Variants in RIT2 observed in about 807,000 individuals in gnomAD.
RIT2 encodes the protein GTP-binding protein Rit2.
In RIT2, 24 loss-of-function variants were observed where a neutral mutation model predicts 23.7. The ratio of observed to expected loss-of-function variants is 1.01; its 90% CI spans 0.73 to 1.43. The LOEUF (loss-of-function observed/expected upper bound fraction) is 1.43. Ranked by LOEUF, RIT2 falls within the 40% of genes most tolerant of loss-of-function variation. The pLI, the probability that RIT2 is intolerant of heterozygous loss-of-function variation, is 0.00. For synonymous variants in RIT2, 107 were observed against 91.1 expected, an observed-to-expected ratio of 1.17 and a Z score of -0.99; for missense variants, 236 against 266.9, an observed-to-expected ratio of 0.88 and a Z score of 0.81.
intron 1 of RIT2, among the ~76,000 whole-genome samples, chr18:43,088,350 T>A (rs965043265): frequency 1.3e-5 from 2 of 152,196 alleles, no homozygotes; most frequent in Non-Finnish European, 2.9e-5. Flanking sequence ...TCTAATACAT[T>A]GTATTTTATG....
At chr18:43,111,228 A>G (rs1285141601) in intron 1 of RIT2, among the ~76,000 whole-genome samples, 2 of 152,172 alleles carry the variant, frequency 1.3e-5, no homozygotes, top group Non-Finnish European at 2.9e-5. Context: ...GGTCTCATTC[A>G]TTTGTGGAAG....
At position 43,115,464 on chromosome 18, in the gene RIT2, C is replaced by T. The variant is rs1401934850; in HGVS notation, c.56G>A (p.Arg19Lys). Residue 19 changes from arginine to lysine, a missense_variant, in exon 1 of 5, where the codon AGA (arginine) becomes AAA (lysine). By Grantham distance (26) the Arg-to-Lys change is conservative. Coordinates refer to ENST00000326695, the MANE Select transcript of RIT2 (RefSeq NM_002930.4). ...CSPGSASGGS[R>K]EYKVVMLGAG... is the part of the protein sequence containing the mutation. ...TCCCAGCATTACCACCTTGTACTCT[C>T]TGGACCCGCCTGATGCGCTGCCCGG... 3 of 1,613,872 alleles carry T rather than the reference C, an allele frequency of 1.9e-6. No homozygotes were observed. Among genetic ancestry groups the T allele is most frequent in the Non-Finnish European group, 2.5e-6 (3 of 1,179,874 alleles).
chr18:42,900,688 T>C (rs1443280754), intron 4 of RIT2, among the ~76,000 whole-genome samples: 2 of 152,098 alleles, frequency 1.3e-5, no homozygotes, highest in South Asian at 2.1e-4. Context: ...TCAGTGTTGA[T>C]AGTACTTTCA....
chr18:42,985,019 C>A (rs1910678944), intron 2 of RIT2, among the ~76,000 whole-genome samples: 1 of 151,666 alleles, frequency 6.6e-6, no homozygotes, highest in African/African-American at 2.4e-5. Context: ...TTTGGGCAGG[C>A]ATGTAGAAAA....
intron 1 of RIT2, among the ~76,000 whole-genome samples, chr18:43,109,678 T>A (rs1441088895): frequency 6.6e-6 from 1 of 152,200 alleles, no homozygotes; most frequent in Non-Finnish European, 1.5e-5. Flanking sequence ...TATAAACTTA[T>A]TGTTTTGTAT....
At chr18:42,935,109 C>G (rs1174622357) in intron 3 of RIT2, among the ~76,000 whole-genome samples, 2 of 152,008 alleles carry the variant, frequency 1.3e-5, no homozygotes, top group East Asian at 1.9e-4. Context: ...ACAGCTGGGA[C>G]AAAGAAAAAA....
intron 3 of RIT2, among the ~76,000 whole-genome samples, chr18:42,959,604 G>C (rs1910051584): frequency 6.6e-6 from 1 of 152,158 alleles, no homozygotes; most frequent in Non-Finnish European, 1.5e-5. Flanking sequence ...GCCCAGGCTA[G>C]TATGTTACTA....
intron 1 of RIT2, among the ~76,000 whole-genome samples, chr18:43,060,926 T>C (rs1316535219): frequency 6.6e-6 from 1 of 152,102 alleles, no homozygotes; most frequent in African/African-American, 2.4e-5. Context: ...AGATACCCCG[T>C]ATTTTTTTGA....
intron 3 of RIT2, among the ~76,000 whole-genome samples, chr18:42,973,035 T>C (rs964193919): frequency 6.6e-6 from 1 of 151,842 alleles, no homozygotes; most frequent in African/African-American, 2.4e-5. Context: ...AATTTAATAA[T>C]ACTTTTGCAT....
chr18:42,883,427 A>C (rs1168908413), intron 4 of RIT2, among the ~76,000 whole-genome samples: 4 of 152,188 alleles, frequency 2.6e-5, no homozygotes, highest in African/African-American at 9.6e-5. Flanking sequence ...ATCATAATTC[A>C]TGTGTAAATC....
At chr18:42,861,017 G>A (rs1907313053) in intron 4 of RIT2, among the ~76,000 whole-genome samples, 1 of 152,186 alleles carries the variant, frequency 6.6e-6, no homozygotes, top group Non-Finnish European at 1.5e-5. Flanking sequence ...GTACACAAAT[G>A]TATGGACAAG....
chr18:42,913,538 A>C (rs1908827848), intron 4 of RIT2, among the ~76,000 whole-genome samples: 1 of 152,018 alleles, frequency 6.6e-6, no homozygotes, highest in Non-Finnish European at 1.5e-5. Flanking sequence ...TAAAAAAGAA[A>C]CAATCCAACC....
intron 3 of RIT2, among the ~76,000 whole-genome samples, chr18:42,953,509 C>A (rs1305706797): frequency 1.3e-5 from 2 of 152,060 alleles, no homozygotes; most frequent in East Asian, 3.9e-4. Context: ...TGTAGAGAAG[C>A]CAGTGGTAGC....
At chr18:42,857,265 T>C (rs1907212595) in intron 4 of RIT2, among the ~76,000 whole-genome samples, 1 of 152,236 alleles carries the variant, frequency 6.6e-6, no homozygotes, top group Non-Finnish European at 1.5e-5. Context: ...TGTAGCTTTA[T>C]AGTTGAGAAA....
intron 4 of RIT2, among the ~76,000 whole-genome samples, chr18:42,778,958 T>C (rs1913742563): frequency 6.6e-6 from 1 of 152,200 alleles, no homozygotes; most frequent in Non-Finnish European, 1.5e-5. Flanking sequence ...ATTGACTTAC[T>C]ATGAACTCTT....
At chr18:43,005,644 C>G (rs1233427720) in intron 2 of RIT2, among the ~76,000 whole-genome samples, 1 of 151,644 alleles carries the variant, frequency 6.6e-6, no homozygotes, top group Non-Finnish European at 1.5e-5. Context: ...TAGATTTTGT[C>G]TCTCCCTCAA....
At chr18:42,751,849 G>C (rs1385700461) in intron 4 of RIT2, among the ~76,000 whole-genome samples, 1 of 151,826 alleles carries the variant, frequency 6.6e-6, no homozygotes, top group African/African-American at 2.4e-5. Flanking sequence ...ATTATCATCA[G>C]ATCAGTGACC....
chr18:42,945,258 C>A (rs1470769380), intron 3 of RIT2, among the ~76,000 whole-genome samples: 1 of 151,756 alleles, frequency 6.6e-6, no homozygotes, highest in African/African-American at 2.4e-5. Context: ...CTTAATTAAA[C>A]TGTTCATTGA....
chr18:42,755,351 T>C (rs1460329559), intron 4 of RIT2, among the ~76,000 whole-genome samples: 1 of 152,158 alleles, frequency 6.6e-6, no homozygotes, highest in Non-Finnish European at 1.5e-5. Context: ...CAAAATCTTC[T>C]TGCCTTCAAG....
Sources: gnomAD v4.1 joint callset for allele counts (sites outside exome capture counted in the v4.1 genomes callset) on GRCh38, gnomAD v4.1.1 for gene constraint, MANE v1.5 for transcripts, NCBI Gene and HGNC (gene_info 2026-07-23, HGNC 2026-07-21) for gene names.